HGSNAT: variants seen among roughly 807,000 people sequenced by gnomAD.
HGSNAT encodes transmembrane protein 76.
A neutral mutation model predicts 85.2 loss-of-function variants in HGSNAT; 59 were observed. The observed-to-expected ratio is 0.69, with a 90% CI of 0.56 to 0.86. HGSNAT has a LOEUF of 0.86. Ranked by LOEUF, HGSNAT falls within the 40% of genes least tolerant of loss-of-function variation. The pLI is 0.00. For missense variants in HGSNAT, 756 were observed against 777.1 expected, an observed-to-expected ratio of 0.97 and a Z score of 0.32; for synonymous variants, 321 against 304.5, an observed-to-expected ratio of 1.05 and a Z score of -0.56.
At chr8:43,182,395 C>T (rs772669622) in intron 11 of HGSNAT, 135 bp downstream of exon 11, 2 of 771,108 alleles carry the variant, frequency 2.6e-6, no homozygotes, top group Admixed American at 1.8e-5. Flanking sequence ...GCCTTGGCCA[C>T]CCAAAGCGCC....
intron 2 of HGSNAT, 34 bp downstream of exon 2, chr8:43,147,097 T>C (rs201043028): frequency 2.3e-6 from 3 of 1,284,084 alleles, no homozygotes; most frequent in African/African-American, 3.0e-5. Flanking sequence ...TCTGTTTGCT[T>C]TGGGGCTTGT....
At chr8:43,182,486 C>T (rs1008465724) in intron 11 of HGSNAT, 37 of 553,398 alleles carry the variant, frequency 6.7e-5, no homozygotes, top group South Asian at 3.0e-4. Context: ...CTGTGTTGCC[C>T]AGGCTGGGGT....
At chr8:43,150,774 C>A (rs1802888872) in intron 2 of HGSNAT, among the ~76,000 whole-genome samples, 1 of 151,936 alleles carries the variant, frequency 6.6e-6, no homozygotes, top group African/African-American at 2.4e-5. Flanking sequence ...GCGGAGCTTG[C>A]AAAGAGCCAA....
At chr8:43,187,326 C>T (rs1421162770) in intron 11 of HGSNAT, among the ~76,000 whole-genome samples, 2 of 152,144 alleles carry the variant, frequency 1.3e-5, no homozygotes, top group East Asian at 3.8e-4. Flanking sequence ...CTGGGTGCTC[C>T]TGTATTGGGT....
intron 4 of HGSNAT, 95 bp from the exon 5 acceptor site, chr8:43,161,343 C>T: frequency 1.0e-6 from 1 of 968,468 alleles, no homozygotes; most frequent in Non-Finnish European, 1.6e-6. Flanking sequence ...CTTCCCCTCA[C>T]TGGTTTTCAT....
chr8:43,187,031 T>C (rs1174533477), intron 11 of HGSNAT, among the ~76,000 whole-genome samples: 1 of 152,230 alleles, frequency 6.6e-6, no homozygotes, highest in African/African-American at 2.4e-5. Flanking sequence ...TTCTGTTCTT[T>C]TACATTTGCT....
At chr8:43,187,690 G>A (rs1804367139) in intron 11 of HGSNAT, among the ~76,000 whole-genome samples, 1 of 152,230 alleles carries the variant, frequency 6.6e-6, no homozygotes, top group African/African-American at 2.4e-5. Flanking sequence ...TCATTATGAC[G>A]TTAGCTGGTT....
rs1188814972 is a variant in HGSNAT at position 43,200,515 on chromosome 8, A to G, written c.*946A>G. The G allele has an allele frequency of 6.6e-6, 1 of 152,260 alleles. No homozygotes were observed. The highest frequency in any genetic ancestry group is 1.9e-4 in the East Asian group (1 of 5,204). The allele number at this position is 152,260 out of a possible 1,614,324, so 9.4% of individuals were successfully genotyped here. On this transcript the variant is annotated 3_prime_UTR_variant, in exon 18 of 18. Transcript: ENST00000379644. ...CAGAAGAAATAGTTCCATTACAGAA[A>G]ACTCTTCAAAATAAATAGTAGTGAA...
At chr8:43,172,490 C>T (rs1803660263) in intron 8 of HGSNAT, 104 bp downstream of exon 8, 1 of 799,552 alleles carries the variant, frequency 1.3e-6, no homozygotes, top group Non-Finnish European at 2.1e-6. Flanking sequence ...GAAATGAGCC[C>T]CAGCAGCCTC....
intron 2 of HGSNAT, among the ~76,000 whole-genome samples, chr8:43,156,375 G>A (rs147926845): frequency 0.017 from 2,520 of 151,740 alleles, 35 homozygotes; most frequent in South Asian, 0.034. Context: ...GTGTCATCTC[G>A]GCTCACTGCA....
At chr8:43,147,477 C>T (rs962910568) in intron 2 of HGSNAT, among the ~76,000 whole-genome samples, 2 of 152,186 alleles carry the variant, frequency 1.3e-5, no homozygotes, top group African/African-American at 2.4e-5. Context: ...AATGCATTTT[C>T]TCTGAAGGTT....
intron 2 of HGSNAT, among the ~76,000 whole-genome samples, chr8:43,149,418 G>T (rs1802822196): frequency 6.6e-6 from 1 of 152,042 alleles, no homozygotes; most frequent in African/African-American, 2.4e-5. Flanking sequence ...AAAATTTTAG[G>T]CCGGGCGCGG....
chr8:43,144,460 T>C (rs2130667749), intron 1 of HGSNAT, among the ~76,000 whole-genome samples: 1 of 152,288 alleles, frequency 6.6e-6, no homozygotes, highest in South Asian at 2.1e-4. Context: ...CCAGCCACTT[T>C]GTAGATGGTC....
At chr8:43,194,199 AC>A in intron 14 of HGSNAT, 2 of 726,712 alleles carry the variant, frequency 2.8e-6, no homozygotes, top group Non-Finnish European at 3.5e-6. Flanking sequence ...GGAGTTTGAG[AC>A]CAGCCTGGGT....
intron 5 of HGSNAT, among the ~76,000 whole-genome samples, chr8:43,164,507 C>A (rs1009199208): frequency 1.3e-5 from 2 of 152,100 alleles, no homozygotes; most frequent in African/African-American, 4.8e-5. Flanking sequence ...CAGCCGGACA[C>A]CATGGCTCAC....
chr8:43,171,224 G>A lies in HGSNAT; in HGVS notation c.743+530G>A, dbSNP rs954680783. ...CTGTATAGCGAAGAATAAATACACA[G>A]GTATCAGCTCTTTTATTTCTACATA... On this transcript the variant is annotated intron_variant, in intron 7 of 17. Transcript: ENST00000379644. Among the ~76,000 whole-genome samples the A allele has an allele frequency of 5.0e-4, 76 of 152,156 alleles. 1 individual carries two copies. Among genetic ancestry groups the A allele is most frequent in the Non-Finnish European group, 4.0e-4 (27 of 68,016 alleles).
chr8:43,190,119 G>A (rs544396140), intron 11 of HGSNAT, among the ~76,000 whole-genome samples: 114 of 152,298 alleles, frequency 7.5e-4, no homozygotes, highest in Non-Finnish European at 1.4e-3. Context: ...TTGGCTATTT[G>A]CATTGCTTCT....
rs544142210 is a variant in HGSNAT, at chr8:43,163,319, T to C, written c.563+1812T>C. Among the ~76,000 whole-genome samples, 4 of 152,256 alleles carry C rather than the reference T, an allele frequency of 2.6e-5. No individual in the cohort carries two copies. The South Asian group carries it at 8.3e-4, about 32-fold the overall frequency. ...CAGCCTGCGGGCAGAATGCTCTTCT[T>C]GACAAAGCAGGAGTCCCTTATTCCT... is the stretch of plus-strand genomic sequence containing the variant. On this transcript the variant is annotated intron_variant, in intron 5 of 17. Transcript: ENST00000379644.
At chr8:43,172,093 G>T (rs1327521844) in intron 7 of HGSNAT, among the ~76,000 whole-genome samples, 2 of 152,238 alleles carry the variant, frequency 1.3e-5, no homozygotes, top group Non-Finnish European at 2.9e-5. Context: ...CATGTTGGCA[G>T]TGTTGGCAAT....
Sources: gnomAD v4.1 joint callset for allele counts (sites outside exome capture counted in the v4.1 genomes callset) on GRCh38, gnomAD v4.1.1 for gene constraint, MANE v1.5 for transcripts, NCBI Gene and HGNC (gene_info 2026-07-23, HGNC 2026-07-21) for gene names.